The following PHACTR1 variants were observed in gnomAD, a reference collection of about 807,000 sequenced individuals.
PHACTR1 encodes RPEL repeat containing 1.
In PHACTR1, 16 loss-of-function variants were observed where a neutral mutation model predicts 69.2. The ratio of observed to expected loss-of-function variants is 0.23; its 90% CI spans 0.16 to 0.35. The LOEUF is 0.35. PHACTR1 is among the 10% of genes least tolerant of loss of function. PHACTR1 has a pLI of 1.00. For synonymous variants in PHACTR1, 312 were observed against 284.5 expected, an observed-to-expected ratio of 1.10 and a Z score of -0.97; for missense variants, 510 against 734.7, an observed-to-expected ratio of 0.69 and a Z score of 3.54.
chr6:12,808,683 G>A (rs1774640052), intron 4 of PHACTR1, among the ~76,000 whole-genome samples: 1 of 152,140 alleles, frequency 6.6e-6, no homozygotes, highest in Non-Finnish European at 1.5e-5. Context: ...AGTGAGAAAA[G>A]AGAATACCTA....
chr6:12,882,852 G>A (rs998735763), intron 4 of PHACTR1, among the ~76,000 whole-genome samples: 4 of 152,196 alleles, frequency 2.6e-5, no homozygotes, highest in African/African-American at 9.7e-5. Flanking sequence ...AAATGAGTGT[G>A]AGCTGGTGTA....
chr6:13,193,559 T>C (rs1223558), intron 7 of PHACTR1, among the ~76,000 whole-genome samples: 2 of 150,098 alleles, frequency 1.3e-5, no homozygotes, highest in Non-Finnish European at 3.0e-5. Context: ...GCTAATTTTT[T>C]AAAATTTTTT....
intron 4 of PHACTR1, among the ~76,000 whole-genome samples, chr6:12,871,044 T>C (rs1000403624): frequency 2.0e-5 from 3 of 152,122 alleles, no homozygotes; most frequent in Admixed American, 6.5e-5. Flanking sequence ...TTAGCAAATG[T>C]GTGGCTGCAA....
chr6:12,776,309 C>G (rs938674140), intron 4 of PHACTR1, among the ~76,000 whole-genome samples: 1 of 152,134 alleles, frequency 6.6e-6, no homozygotes, highest in South Asian at 2.1e-4. Flanking sequence ...TCCTCATTAC[C>G]GTTTACAATT....
chr6:12,796,432 G>C (rs1338682687), intron 4 of PHACTR1, among the ~76,000 whole-genome samples: 2 of 152,198 alleles, frequency 1.3e-5, no homozygotes, highest in Non-Finnish European at 2.9e-5. Flanking sequence ...ACTGTTAACT[G>C]AATATCAGCA....
chr6:13,039,340 A>C (rs1803823053), intron 4 of PHACTR1, among the ~76,000 whole-genome samples: 1 of 152,234 alleles, frequency 6.6e-6, no homozygotes, highest in South Asian at 2.1e-4. Flanking sequence ...GTTTTCAGTG[A>C]GAAAACCTTC....
At chr6:13,167,782 G>A (rs1359614186) in intron 6 of PHACTR1, among the ~76,000 whole-genome samples, 1 of 152,116 alleles carries the variant, frequency 6.6e-6, no homozygotes, top group Non-Finnish European at 1.5e-5. Flanking sequence ...CAGGTTGGAA[G>A]GTGTTATTTT....
intron 4 of PHACTR1, among the ~76,000 whole-genome samples, chr6:12,865,567 T>G (rs921463840): frequency 6.6e-6 from 1 of 152,196 alleles, no homozygotes; most frequent in African/African-American, 2.4e-5. Flanking sequence ...TGGGCACCTT[T>G]GTACACTATT....
intron 6 of PHACTR1, among the ~76,000 whole-genome samples, chr6:13,169,887 G>A (rs1433780808): frequency 6.6e-6 from 1 of 152,180 alleles, no homozygotes; most frequent in African/African-American, 2.4e-5. Context: ...TTGTATGTTT[G>A]TCCTCTAAGG....
intron 4 of PHACTR1, among the ~76,000 whole-genome samples, chr6:12,902,494 G>GTCCATTGGATGAACTTCTAGGTTCT (rs1415206485): frequency 2.0e-5 from 3 of 152,022 alleles, no homozygotes; most frequent in South Asian, 4.2e-4. Flanking sequence ...TTCTAGGTTC[G>GTCCATTGGATGAACTTCTAGGTTCT]TCCATTGGAT....
chr6:13,133,699 C>T (rs1375861173), intron 5 of PHACTR1, among the ~76,000 whole-genome samples: 2 of 152,092 alleles, frequency 1.3e-5, no homozygotes, highest in Non-Finnish European at 2.9e-5. Flanking sequence ...GAGATTGCAG[C>T]CTCTGCCTGG....
At position 12,918,663 on chromosome 6, in the gene PHACTR1, T is replaced by A. The variant is rs568860293; in HGVS notation, c.251-134702T>A. ...CAATGTGTTATATGTCATAGGTGAT[T>A]AAGCTCCCTAAATCTTGCCTCATCA... On this transcript the variant is annotated intron_variant, in intron 4 of 14. Transcript: ENST00000332995. 9.8e-5 allele frequency among the ~76,000 whole-genome samples: 15 copies of A among 152,334 alleles called. No individual in the cohort carries two copies. In the East Asian group the frequency reaches 2.3e-3, roughly 23 times the overall value.
intron 4 of PHACTR1, among the ~76,000 whole-genome samples, chr6:12,755,987 T>C (rs536627759): frequency 2.0e-4 from 31 of 152,314 alleles, no homozygotes; most frequent in Non-Finnish European, 4.4e-4. Flanking sequence ...CTTTCCCTTT[T>C]TCTTCACGTG....
In PHACTR1 at chr6:13,287,074, C is replaced by T; in HGVS notation, c.1739C>T (p.Pro580Leu). 6.2e-7 allele frequency: 1 copy of T among 1,607,082 alleles called. No homozygotes were observed. Among genetic ancestry groups the T allele is most frequent in the Non-Finnish European group, 8.5e-7 (1 of 1,176,496 alleles). ...GTTTGTTTCCTTAGGTTTCACCGAC[C>T]TTAACAGTCGAATTCCTCTTGAGTG... ...LSRHLTRFHR[P>L] The change falls in exon 15 of 15, where the codon CCT (proline) becomes CTT (leucine). Residue 580 changes from proline to leucine, a missense_variant. This residue lies in a region of PHACTR1 where 91 missense variants were observed against 203.8 expected (regional missense o/e 0.45). Coordinates refer to ENST00000332995, the MANE Select transcript of PHACTR1 (RefSeq NM_030948.6).
chr6:13,104,743 T>C, intron 5 of PHACTR1, among the ~76,000 whole-genome samples: 1 of 152,210 alleles, frequency 6.6e-6, no homozygotes. Flanking sequence ...AGAAAGTAAT[T>C]TTCTTCCTTA....
chr6:12,943,404 G>A (rs1427470134), intron 4 of PHACTR1, among the ~76,000 whole-genome samples: 3 of 152,128 alleles, frequency 2.0e-5, no homozygotes, highest in African/African-American at 2.4e-5. Context: ...TTTCCTTTTG[G>A]GTTGATGAAA....
intron 5 of PHACTR1, among the ~76,000 whole-genome samples, chr6:13,103,568 A>G (rs954001011): frequency 1.3e-5 from 2 of 152,242 alleles, no homozygotes; most frequent in Non-Finnish European, 2.9e-5. Flanking sequence ...AACAAAAAGT[A>G]TATATAATTG....
At chr6:13,253,186 G>A in intron 10 of PHACTR1, 2 of 299,982 alleles carry the variant, frequency 6.7e-6, no homozygotes, top group Non-Finnish European at 1.4e-5. Context: ...CCCTTTGCGG[G>A]TGACATTTAA....
chr6:13,099,834 CAA>C (rs1160155342), intron 5 of PHACTR1, among the ~76,000 whole-genome samples: 1 of 152,136 alleles, frequency 6.6e-6, no homozygotes, highest in East Asian at 1.9e-4. Flanking sequence ...GAGAAACAAA[CAA>C]GACACACATT....
Sources: allele counts gnomAD v4.1 joint callset (sites outside exome capture counted in the v4.1 genomes callset), GRCh38; gene constraint gnomAD v4.1.1; regional missense constraint gnomAD v4.1.1; transcripts MANE v1.5; gene names NCBI Gene and HGNC (gene_info 2026-07-23, HGNC 2026-07-21).